The following PLEKHG4 variants were observed in gnomAD, a reference collection of about 807,000 sequenced individuals.
The protein encoded by PLEKHG4 is pleckstrin homology and RhoGEF domain containing G4.
In PLEKHG4, 85 loss-of-function variants were observed where a neutral mutation model predicts 136.9. The ratio of observed to expected loss-of-function variants is 0.62; its 90% CI spans 0.52 to 0.74. PLEKHG4 has a LOEUF of 0.74. Among genes scored for constraint, PLEKHG4 ranks in the 30% least tolerant of loss-of-function variants. PLEKHG4 has a pLI of 0.00. For synonymous variants in PLEKHG4, 577 were observed against 646.9 expected, an observed-to-expected ratio of 0.89 and a Z score of 1.64; for missense variants, 1,317 against 1,527.8, an observed-to-expected ratio of 0.86 and a Z score of 2.30.
intron 9 of PLEKHG4, 24 bp from the exon 10 acceptor site, chr16:67,282,479 C>G: frequency 2.5e-6 from 4 of 1,613,808 alleles, no homozygotes; most frequent in Non-Finnish European, 3.4e-6. Flanking sequence ...GGCAGGGGGT[C>G]TAAGATGGTA....
intron 18 of PLEKHG4, 77 bp from the exon 19 acceptor site, chr16:67,287,821 C>A: frequency 2.1e-6 from 2 of 936,586 alleles, no homozygotes; most frequent in South Asian, 1.3e-5. Flanking sequence ...ACAGGAAAGA[C>A]TTATCTGGGG....
Position 67,281,635 on chromosome 16 carries a change from C to A in PLEKHG4, c.882C>A (p.Ser294=), listed in dbSNP as rs372820870. 1 of 1,613,872 alleles carries A rather than the reference C, an allele frequency of 6.2e-7. No homozygotes were observed. Among genetic ancestry groups the A allele is most frequent in the African/African-American group, 1.3e-5 (1 of 74,934 alleles). ...GCACGCTGCTGAAGGAAGTGCCTTC[C>A]GGGCTGCAGGTACTAAGCCCAGTTG... The part of the protein sequence containing the change: ...VGSTLLKEVP[S]GLQLEQLPSQ... Residue 294 remains serine, a synonymous_variant, in exon 6 of 22, where the codon TCC becomes TCA. Transcript: ENST00000379344.
rs1274898866 is a variant in PLEKHG4 at position 67,279,940 on chromosome 16, C to T, written c.-105C>T. Reference sequence around the variant, plus strand: ...CACCTCCTGCGGCCCATGCCCTTCGCCTGCATTGCCCACTGAGTCCCACTC... The same window carrying T: ...CACCTCCTGCGGCCCATGCCCTTCGTCTGCATTGCCCACTGAGTCCCACTC... On this transcript the variant is annotated 5_prime_UTR_variant, in exon 2 of 22. Coordinates refer to ENST00000379344, the MANE Select transcript of PLEKHG4 (RefSeq NM_001129729.3). The T allele has an allele frequency of 2.5e-6, 3 of 1,210,684 alleles. No homozygotes were observed. In the Admixed American group the frequency reaches 6.9e-5, roughly 28 times the overall value. The allele number at this position is 1,210,684 out of a possible 1,614,324, so 75.0% of individuals were successfully genotyped here. A position where few individuals can be genotyped will look rare whatever the true frequency, so the allele number is the denominator to read the frequency against.
intron 19 of PLEKHG4, 65 bp downstream of exon 19, chr16:67,288,079 C>T (rs2036564130): frequency 4.6e-6 from 7 of 1,517,912 alleles, no homozygotes; most frequent in Non-Finnish European, 6.4e-6. Context: ...CACTGTGGCC[C>T]TCCATTAGTG....
intron 6 of PLEKHG4, 35 bp from the exon 7 acceptor site, chr16:67,281,689 C>G: frequency 1.2e-6 from 2 of 1,613,360 alleles, no homozygotes; most frequent in Non-Finnish European, 1.7e-6. Context: ...GTGCCTCCCC[C>G]CAGGCCTGGG....
intron 9 of PLEKHG4, 32 bp downstream of exon 9, chr16:67,282,381 C>T (rs2036273897): frequency 1.9e-6 from 3 of 1,611,206 alleles, no homozygotes; most frequent in Non-Finnish European, 1.7e-6. Flanking sequence ...AGATCTTGCC[C>T]CAGCCCACCA....
rs2036351240 is a variant in PLEKHG4 at position 67,284,181 on chromosome 16, A to AT, written c.1510-93dup. 2 of 1,089,434 alleles carry AT rather than the reference A, an allele frequency of 1.8e-6. No homozygotes were observed. The highest frequency in any genetic ancestry group is 3.1e-5 in the African/African-American group (2 of 64,388). 67.5% of individuals were successfully genotyped at this position (1,089,434 alleles called of 1,614,324 possible). A position where few individuals can be genotyped will look rare whatever the true frequency, so the allele number is the denominator to read the frequency against. ...GATGTTCCACCACAGGACAGACTTG[A>AT]TGGGGACATGTCGATATGTCAGCAG... On this transcript the variant is annotated intron_variant, in intron 11 of 21. Transcript: ENST00000379344. This position sits in a 1 kb window ranked among gnomAD's most constrained non-coding sequence, Gnocchi z 4.4.
chr16:67,289,378 C>G lies in PLEKHG4; in HGVS notation c.*570C>G, dbSNP rs375692277. 1.5e-3 allele frequency: 785 copies of G among 508,500 alleles called. 15 individuals are homozygous for G. The South Asian group carries it at 0.026, about 17-fold the overall frequency. 31.5% of individuals were successfully genotyped at this position (508,500 alleles called of 1,614,324 possible). On this transcript the variant is annotated 3_prime_UTR_variant, in exon 22 of 22. Coordinates refer to ENST00000379344, the MANE Select transcript of PLEKHG4 (RefSeq NM_001129729.3). ...TTTCAATAGAATTGTCTAAAATTAT[C>G]TTACTGGTTGTTAGGCCTTTGGTGT...
At position 67,288,831 on chromosome 16, in the gene PLEKHG4, G is replaced by T; in HGVS notation, c.*23G>T. ...TGAGCCCGGGACTGGACGAGCAGTAGATCCAGCAGCCTGCAGCTCCAAGGA... is the reference window on the plus strand; with the variant it reads ...TGAGCCCGGGACTGGACGAGCAGTATATCCAGCAGCCTGCAGCTCCAAGGA... On this transcript the variant is annotated 3_prime_UTR_variant, in exon 22 of 22. Transcript: ENST00000379344. The T allele has an allele frequency of 1.2e-6, 2 of 1,613,168 alleles. No homozygotes were observed. The highest frequency in any genetic ancestry group is 1.7e-6 in the Non-Finnish European group (2 of 1,179,630).
At chr16:67,288,040 G>T (rs992035136) in intron 19 of PLEKHG4, 26 bp downstream of exon 19, 1 of 1,564,126 alleles carries the variant, frequency 6.4e-7, no homozygotes. Context: ...CAGGGTGTGG[G>T]GGTGGGAGTA....
chr16:67,287,498 C>T, intron 18 of PLEKHG4: 1 of 504,878 alleles, frequency 2.0e-6, no homozygotes, highest in South Asian at 2.1e-5. Flanking sequence ...CTCCTGAGCT[C>T]AAGCATTCTT....
At position 67,286,575 on chromosome 16, in the gene PLEKHG4, T is replaced by C; in HGVS notation, c.2663T>C (p.Leu888Pro). 10 of 1,561,652 alleles carry C rather than the reference T, an allele frequency of 6.4e-6. No homozygotes were observed. Among genetic ancestry groups the C allele is most frequent in the Non-Finnish European group, 8.7e-6 (10 of 1,152,192 alleles). ...ARACGGPTQE[L>P]SALREAQSLV... ...GCCTGCGGGGGCCCCACGCAGGAGC[T>C]CAGTGCGCTGCGGGAGGCCCAGAGC... is the stretch of plus-strand genomic sequence containing the variant. Residue 888 changes from leucine to proline, a missense_variant, in exon 16 of 22, where the codon CTC becomes CCC. Physicochemically the swap from Leu to Pro is moderately conservative, Grantham distance 98 (BLOSUM62 -3). Transcript: ENST00000379344.
At chr16:67,285,241 G>T in intron 13 of PLEKHG4, 26 bp downstream of exon 13, 1 of 1,613,664 alleles carries the variant, frequency 6.2e-7, no homozygotes, top group Non-Finnish European at 8.5e-7. Context: ...AGGGCGGGGA[G>T]GGCAGTAAAG....
chr16:67,287,115 T>C lies in PLEKHG4; in HGVS notation c.3041T>C (p.Ile1014Thr). ...TFVLQASSLA[I>T]KQAWTADISH... ...GTGCTGCAGGCCTCCAGCCTGGCTA[T>C]CAAGCAGGCCTGGACAGCTGACATC... The change falls in exon 18 of 22, where the codon ATC becomes ACC. Residue 1014 changes from isoleucine (I) to threonine (T), a missense_variant. Coordinates refer to ENST00000379344, the MANE Select transcript of PLEKHG4 (RefSeq NM_001129729.3). 6.2e-7 allele frequency: 1 copy of C among 1,612,398 alleles called. No individual in the cohort carries two copies. Among genetic ancestry groups the C allele is most frequent in the Non-Finnish European group, 8.5e-7 (1 of 1,180,036 alleles).
chr16:67,281,527 T>C (rs771171019), intron 5 of PLEKHG4, 40 bp from the exon 6 acceptor site: 5 of 1,563,046 alleles, frequency 3.2e-6, no homozygotes, highest in Non-Finnish European at 4.4e-6. Flanking sequence ...TGCCCTTTTC[T>C]GTAGAGTTGG....
At position 67,284,683 on chromosome 16, in the gene PLEKHG4, T is replaced by G. The variant is rs2036381688; in HGVS notation, c.1693-30T>G. 1.2e-6 allele frequency: 2 copies of G among 1,611,256 alleles called. No homozygotes were observed. The highest frequency in any genetic ancestry group is 4.5e-5 in the East Asian group (2 of 44,814). On this transcript the variant is annotated intron_variant, in intron 12 of 21. Transcript: ENST00000379344. The surrounding 1 kb of genome is among the most constrained non-coding windows in gnomAD (Gnocchi z 4.4). The stretch of plus-strand genomic sequence containing the variant: ...CCCAGCAGGCTTGGCAGGATCTTCC[T>G]CTAATGCTTGTCCGGCCCTGGTGTT...
chr16:67,288,710 G>A, intron 21 of PLEKHG4, 93 bp from the exon 22 acceptor site: 1 of 1,599,506 alleles, frequency 6.3e-7, no homozygotes, highest in Admixed American at 1.7e-5. Context: ...ACTTTGGGTA[G>A]AGCTTGGGGT....
rs1294281700 is a variant in PLEKHG4 at position 67,284,832 on chromosome 16, C to A, written c.1812C>A (p.Ala604=). ...HWTRHPDLPP[A]HFRKMWALAT... is the part of the protein sequence containing the mutation. ...CCAGGCACCCTGACTTGCCTCCTGCCCACTTCCGAAAGATGTGGGCTCTGG... is the reference window on the plus strand; with the variant it reads ...CCAGGCACCCTGACTTGCCTCCTGCACACTTCCGAAAGATGTGGGCTCTGG... Residue 604 remains alanine, a synonymous_variant, in exon 13 of 22, where the codon GCC becomes GCA. Transcript: ENST00000379344. This position sits in a 1 kb window ranked among gnomAD's most constrained non-coding sequence, Gnocchi z 4.4. 2 of 1,613,376 alleles carry A rather than the reference C, an allele frequency of 1.2e-6. No homozygotes were observed. The highest frequency in any genetic ancestry group is 3.3e-5 in the Admixed American group (2 of 60,010).
chr16:67,280,053 G>C lies in PLEKHG4; in HGVS notation c.9G>C (p.Arg3Ser). 1 of 1,612,938 alleles carries C rather than the reference G, an allele frequency of 6.2e-7. No individual in the cohort carries two copies. The highest frequency in any genetic ancestry group is 1.1e-5 in the South Asian group (1 of 91,054). Residue 3 changes from arginine to serine, a missense_variant, in exon 2 of 22, where the codon AGG becomes AGC. Physicochemically the swap from Arg to Ser is moderately radical, Grantham distance 110. Coordinates refer to ENST00000379344, the MANE Select transcript of PLEKHG4 (RefSeq NM_001129729.3). This position sits in a 1 kb window ranked among gnomAD's most constrained non-coding sequence, Gnocchi z 4.4. ...ACCTTTAGGAGGGCGTGATGGAAAGGCCCCTGGAGAATGGGGATGAGTCCC... is the reference window on the plus strand; with the variant it reads ...ACCTTTAGGAGGGCGTGATGGAAAGCCCCCTGGAGAATGGGGATGAGTCCC... ME[R>S]PLENGDESPD...
Sources: allele counts gnomAD v4.1 joint callset, GRCh38; gene constraint gnomAD v4.1.1; non-coding constraint Gnocchi (gnomAD v3.1); transcripts MANE v1.5; gene names NCBI Gene and HGNC (gene_info 2026-07-23, HGNC 2026-07-21).